Variants in STK17A observed in about 807,000 individuals in gnomAD.
The protein encoded by STK17A is serine/threonine-protein kinase 17A.
A neutral mutation model predicts 43.7 loss-of-function variants in STK17A; 26 were observed. The ratio of observed to expected loss-of-function variants is 0.60; its 90% CI spans 0.44 to 0.83. STK17A has a LOEUF of 0.83. STK17A is among the 40% of genes least tolerant of loss of function. The pLI is 0.00. For synonymous variants in STK17A, 191 were observed against 182.5 expected, an observed-to-expected ratio of 1.05 and a Z score of -0.38; for missense variants, 476 against 511.6, an observed-to-expected ratio of 0.93 and a Z score of 0.67.
chr7:43,597,505 C>G (rs141807547), intron 2 of STK17A, among the ~76,000 whole-genome samples: 392 of 152,208 alleles, frequency 2.6e-3, no homozygotes, highest in African/African-American at 8.5e-3. Flanking sequence ...CCTCAGCCCC[C>G]CAAGTAGCTA....
intron 1 of STK17A, among the ~76,000 whole-genome samples, chr7:43,591,309 A>G (rs1187737410): frequency 2.0e-5 from 3 of 151,624 alleles, no homozygotes; most frequent in African/African-American, 7.2e-5. Context: ...GTAATATTTA[A>G]TAACATGAAA....
At chr7:43,619,941 A>G (rs1168240126) in intron 4 of STK17A, among the ~76,000 whole-genome samples, 1 of 152,248 alleles carries the variant, frequency 6.6e-6, no homozygotes, top group Non-Finnish European at 1.5e-5. Flanking sequence ...TACAGAGCTA[A>G]GAGAATTTGA....
chr7:43,612,037 A>G (rs573383584), intron 3 of STK17A, among the ~76,000 whole-genome samples: 82 of 152,314 alleles, frequency 5.4e-4, no homozygotes, highest in African/African-American at 1.7e-3. Flanking sequence ...TACACAAGGA[A>G]ATTATATCCC....
chr7:43,600,943 C>G (rs1054926453), intron 2 of STK17A, among the ~76,000 whole-genome samples: 1 of 151,988 alleles, frequency 6.6e-6, no homozygotes, highest in Non-Finnish European at 1.5e-5. Flanking sequence ...AGATATGTTA[C>G]CAAAATGTTC....
chr7:43,621,156 T>C lies in STK17A; in HGVS notation c.691+1433T>C, dbSNP rs547771860. ...AGTTCAAAAAATAATTCAGAGATTT[T>C]TTAAAAGATCCTTAGTTAATTAGAT... is the stretch of plus-strand genomic sequence containing the variant. On this transcript the variant is annotated intron_variant, in intron 4 of 6. Coordinates refer to ENST00000319357, the MANE Select transcript of STK17A (RefSeq NM_004760.3). 9.2e-5 allele frequency among the ~76,000 whole-genome samples: 14 copies of C among 152,348 alleles called. No individual in the cohort carries two copies. In the South Asian group the frequency reaches 2.5e-3, roughly 27 times the overall value.
rs1305568098 is a variant in STK17A, at chr7:43,590,451, A to G, written c.207-5450A>G. ...ATCAAATGTCACCTCCTCTTGTTATAATTGTTTATGTATCTTACCTTTCCC... is the reference window on the plus strand; with the variant it reads ...ATCAAATGTCACCTCCTCTTGTTATGATTGTTTATGTATCTTACCTTTCCC... On this transcript the variant is annotated intron_variant, in intron 1 of 6. Coordinates refer to ENST00000319357, the MANE Select transcript of STK17A (RefSeq NM_004760.3). 2.0e-5 allele frequency among the ~76,000 whole-genome samples: 3 copies of G among 151,134 alleles called. 1 individual carries two copies. Among genetic ancestry groups the G allele is most frequent in the Non-Finnish European group, 4.4e-5 (3 of 67,484 alleles).
Position 43,624,567 on chromosome 7 carries a change from A to T in STK17A, c.970A>T (p.Ser324Cys), listed in dbSNP as rs1389970044. The T allele has an allele frequency of 1.2e-6, 2 of 1,614,132 alleles. No individual in the cohort carries two copies. The highest frequency in any genetic ancestry group is 1.6e-4 in the Middle Eastern group (1 of 6,062). Residue 324 changes from serine (S) to cysteine (C), a missense_variant, in exon 7 of 7, where the codon AGC becomes TGC. By Grantham distance (112) the Ser-to-Cys change is moderately radical. This residue lies in a region of STK17A where 110 missense variants were observed against 103.7 expected (regional missense o/e 1.06). Coordinates refer to ENST00000319357, the MANE Select transcript of STK17A (RefSeq NM_004760.3). ...ECLKHPWLTQ[S>C]SIQEPSFRME... ...TCTAAAGCACCCCTGGTTGACACAG[A>T]GCAGTATTCAAGAGCCTTCTTTCAG... is the stretch of plus-strand genomic sequence containing the variant.
At chr7:43,619,564 TATTG>T in intron 3 of STK17A, 29 bp from the exon 4 acceptor site, 1 of 1,606,854 alleles carries the variant, frequency 6.2e-7, no homozygotes. Context: ...ATCATAGTTA[TATTG>T]ATTTTTGCGG....
Position 43,608,283 on chromosome 7 carries a change from G to C in STK17A, c.447G>C (p.Gln149His), listed in dbSNP as rs2082631889. ...CTGCTGGGGGTGAAATCTTTGACCA[G>C]TGTGTTGCAGACAGAGAAGAAGCCT... ...EYAAGGEIFDQCVADREEAFK... is the reference protein window; with the variant it reads ...EYAAGGEIFDHCVADREEAFK... Residue 149 changes from glutamine to histidine, a missense_variant, in exon 3 of 7, where the codon CAG becomes CAC. Transcript: ENST00000319357. The C allele has an allele frequency of 1.9e-6, 3 of 1,613,642 alleles. No individual in the cohort carries two copies. The South Asian group carries it at 3.3e-5, about 18-fold the overall frequency.
chr7:43,608,661 T>A, intron 3 of STK17A: 2 of 282,526 alleles, frequency 7.1e-6, no homozygotes, highest in Non-Finnish European at 1.3e-5. Context: ...TTGAGCTAGA[T>A]CTTTTGAAAA....
At chr7:43,602,144 T>G (rs1354712073) in intron 2 of STK17A, among the ~76,000 whole-genome samples, 1 of 152,178 alleles carries the variant, frequency 6.6e-6, no homozygotes, top group Non-Finnish European at 1.5e-5. Flanking sequence ...TTAAGTTCTT[T>G]AATTCTCATC....
intron 2 of STK17A, among the ~76,000 whole-genome samples, chr7:43,598,459 G>A (rs1450573674): frequency 3.2e-5 from 4 of 125,694 alleles, no homozygotes; most frequent in African/African-American, 9.0e-5. Flanking sequence ...GACACAGCAA[G>A]ACTCCGTCTC....
chr7:43,617,643 C>T (rs947131549), intron 3 of STK17A, among the ~76,000 whole-genome samples: 1 of 152,022 alleles, frequency 6.6e-6, no homozygotes, highest in Non-Finnish European at 1.5e-5. Context: ...ATTTGAGGTA[C>T]CTTTGAGACA....
At position 43,583,294 on chromosome 7, in the gene STK17A, C is replaced by CTCAG; in HGVS notation, c.52_55dup (p.Gly19ValfsTer91). 6.5e-7 allele frequency: 1 copy of CTCAG among 1,539,336 alleles called. No individual in the cohort carries two copies. The highest frequency in any genetic ancestry group is 8.7e-7 in the Non-Finnish European group (1 of 1,146,278). On this transcript the variant is annotated frameshift_variant, in exon 1 of 7. Transcript: ENST00000319357. LOFTEE classifies it high-confidence loss of function. ...GCGGCGGCTCCTCCCCAGGCGCCAC[C>CTCAG]TCAGGCTCGGGCCGGGCAGGCCGGG...
chr7:43,626,065 TTAAAG>T lies in STK17A; in HGVS notation c.*1227_*1231del, dbSNP rs1370742183. The T allele has an allele frequency of 4.6e-4, 70 of 152,300 alleles. 1 individual carries two copies. Among genetic ancestry groups the T allele is most frequent in the African/African-American group, 1.6e-3 (67 of 41,562 alleles). The allele number at this position is 152,300 out of a possible 1,614,324, so 9.4% of individuals were successfully genotyped here. A position where few individuals can be genotyped will look rare whatever the true frequency, so the allele number is the denominator to read the frequency against. ...AATGTAAAAGTGTATGCCGAATACCTTAAAGTAACTAATTATCCTTACACACAAAA... is the reference window on the plus strand; with the variant it reads ...AATGTAAAAGTGTATGCCGAATACCTTAACTAATTATCCTTACACACAAAA... On this transcript the variant is annotated 3_prime_UTR_variant, in exon 7 of 7. Transcript: ENST00000319357.
In STK17A at chr7:43,586,099, A is replaced by G. The variant is rs535880613; in HGVS notation, c.206+2650A>G. 2.0e-5 allele frequency among the ~76,000 whole-genome samples: 3 copies of G among 151,774 alleles called. No homozygotes were observed. In the East Asian group the frequency reaches 5.8e-4, roughly 29 times the overall value. Reference sequence around the variant, plus strand: ...AATTAACTCTGGTTGCATTTCTGATATAACTAATTAATCTCACGCTGATAA... The same window carrying G: ...AATTAACTCTGGTTGCATTTCTGATGTAACTAATTAATCTCACGCTGATAA... On this transcript the variant is annotated intron_variant, in intron 1 of 6. Transcript: ENST00000319357.
intron 2 of STK17A, among the ~76,000 whole-genome samples, chr7:43,606,634 C>T (rs1197318354): frequency 6.6e-6 from 1 of 152,026 alleles, no homozygotes. Context: ...TATTATAGGG[C>T]TTCTCTAGCT....
chr7:43,587,246 C>T lies in STK17A; in HGVS notation c.206+3797C>T, dbSNP rs569201571. On this transcript the variant is annotated intron_variant, in intron 1 of 6. Coordinates refer to ENST00000319357, the MANE Select transcript of STK17A (RefSeq NM_004760.3). The stretch of plus-strand genomic sequence containing the variant: ...CTCAGCTCACCGCAAGACCCGCCTC[C>T]TGGGTTCACGCCATTCTCCTGCCTC... 8.0e-5 allele frequency among the ~76,000 whole-genome samples: 12 copies of T among 149,320 alleles called. No individual in the cohort carries two copies. The East Asian group carries it at 2.1e-3, about 27-fold the overall frequency.
chr7:43,611,901 A>C (rs1253781488), intron 3 of STK17A, among the ~76,000 whole-genome samples: 1 of 152,226 alleles, frequency 6.6e-6, no homozygotes, highest in Non-Finnish European at 1.5e-5. Flanking sequence ...ACCTGTGACT[A>C]TTCAAGAACT....
Sources: allele counts gnomAD v4.1 joint callset (sites outside exome capture counted in the v4.1 genomes callset), GRCh38; gene constraint gnomAD v4.1.1; regional missense constraint gnomAD v4.1.1; transcripts MANE v1.5; gene names NCBI Gene and HGNC (gene_info 2026-07-23, HGNC 2026-07-21).